The following BACE1 variants were observed in gnomAD, a reference collection of about 807,000 sequenced individuals.
BACE1 encodes APP beta-secretase.
BACE1 carries 21 observed loss-of-function variants against 54.0 expected under a neutral mutation model. The ratio of observed to expected loss-of-function variants is 0.39; its 90% CI spans 0.28 to 0.56. The LOEUF (loss-of-function observed/expected upper bound fraction) is 0.56. BACE1 is among the 20% of genes least tolerant of loss of function. The pLI is 0.63. For missense variants in BACE1, 511 were observed against 661.2 expected (o/e 0.77, Z 2.49); for synonymous variants, 232 against 260.9 (o/e 0.89, Z 1.07).
At chr11:117,295,440 C>T in intron 2 of BACE1, 93 bp from the exon 3 acceptor site, 1 of 1,547,102 alleles carries the variant, frequency 6.5e-7, no homozygotes, top group Non-Finnish European at 8.7e-7. Context: ...CTTATCTCAT[C>T]TCAGGGGAAT....
intron 1 of BACE1, among the ~76,000 whole-genome samples, chr11:117,300,238 C>T (rs2034693491): frequency 6.6e-6 from 1 of 152,182 alleles, no homozygotes; most frequent in Non-Finnish European, 1.5e-5. Flanking sequence ...ATTTCAGGTC[C>T]CCACTGCTCT....
intron 2 of BACE1, 56 bp downstream of exon 2, chr11:117,296,814 CCTT>C: frequency 3.7e-6 from 5 of 1,337,212 alleles, no homozygotes; most frequent in Non-Finnish European, 5.3e-6. Flanking sequence ...CTCCCCTGAC[CCTT>C]CTTAGCCCTG....
intron 8 of BACE1, 113 bp downstream of exon 8, chr11:117,290,375 G>T: frequency 7.5e-7 from 1 of 1,339,444 alleles, no homozygotes; most frequent in Non-Finnish European, 1.0e-6. Flanking sequence ...TTGGGTTTGA[G>T]GCAACTGTTA....
rs1019137248 is a variant in BACE1 at position 117,289,582 on chromosome 11, A to G, written c.1490T>C (p.Ile497Thr). ...RQQHDDFADD[I>T]SLLK ...TGGGCCTCCTCACTTCAGCAGGGAG[A>G]TGTCATCAGCAAAGTCATCATGCTG... Residue 497 changes from isoleucine (I) to threonine (T), a missense_variant, in exon 9 of 9, where the codon ATC becomes ACC. Around this residue, in one of 2 missense-constraint regions of BACE1, gnomAD observed 407 missense variants for 565.7 expected, o/e 0.72. Transcript: ENST00000313005. The G allele has an allele frequency of 1.9e-6, 3 of 1,614,124 alleles. No homozygotes were observed. Among genetic ancestry groups the G allele is most frequent in the Non-Finnish European group, 2.5e-6 (3 of 1,180,030 alleles).
chr11:117,289,647 G>C lies in BACE1; in HGVS notation c.1425C>G (p.Leu475=). The C allele has an allele frequency of 6.2e-7, 1 of 1,614,234 alleles. No individual in the cohort carries two copies. Among genetic ancestry groups the C allele is most frequent in the African/African-American group, 1.3e-5 (1 of 75,058 alleles). ...ICALFMLPLC[L]MVCQWRCLRC... is the part of the protein sequence containing the mutation. Reference sequence around the variant, plus strand: ...GGAGGCAGCGCCACTGACACACCATGAGGCAGAGTGGCAGCATGAAGAGGG... The same window carrying C: ...GGAGGCAGCGCCACTGACACACCATCAGGCAGAGTGGCAGCATGAAGAGGG... The change falls in exon 9 of 9, where the codon CTC becomes CTG. Residue 475 remains leucine, a synonymous_variant. Transcript: ENST00000313005.
intron 1 of BACE1, among the ~76,000 whole-genome samples, chr11:117,312,575 A>G (rs1591871950): frequency 6.6e-6 from 1 of 150,982 alleles, no homozygotes; most frequent in Middle Eastern, 3.4e-3. Flanking sequence ...CAATTCTCCT[A>G]CCTCAGCCTC....
In BACE1 at chr11:117,315,387, C is replaced by T; in HGVS notation, c.261+148G>A. 2 of 1,141,350 alleles carry T rather than the reference C, an allele frequency of 1.8e-6. No individual in the cohort carries two copies. Among genetic ancestry groups the T allele is most frequent in the African/African-American group, 1.6e-5 (1 of 61,106 alleles). The allele number at this position is 1,141,350 out of a possible 1,614,324, so 70.7% of individuals were successfully genotyped here. A position where few individuals can be genotyped will look rare whatever the true frequency, so the allele number is the denominator to read the frequency against. On this transcript the variant is annotated intron_variant, in intron 1 of 8. Coordinates refer to ENST00000313005, the MANE Select transcript of BACE1 (RefSeq NM_012104.6). The surrounding 1 kb of genome is among the most constrained non-coding windows in gnomAD (Gnocchi z 5.5). ...AGCTTGGGAACACTTCTGCCAACAA[C>T]CACGTGACCCCCGGGGAATGGCTGG... is the stretch of plus-strand genomic sequence containing the variant.
At chr11:117,299,405 T>G (rs964499826) in intron 1 of BACE1, among the ~76,000 whole-genome samples, 5 of 151,978 alleles carry the variant, frequency 3.3e-5, no homozygotes, top group Admixed American at 6.6e-5. Context: ...TCACTGTGCT[T>G]CTCTGGACTT....
rs75659000 is a variant in BACE1 at position 117,314,362 on chromosome 11, C to T, written c.261+1173G>A. ...AGCTGAGAGGTAGGGCTGGGGAGCACGCACCTAGGAAGGCTGGCTTCTGTA... is the reference window on the plus strand; with the variant it reads ...AGCTGAGAGGTAGGGCTGGGGAGCATGCACCTAGGAAGGCTGGCTTCTGTA... On this transcript the variant is annotated intron_variant, in intron 1 of 8. Transcript: ENST00000313005. 8.0e-3 allele frequency among the ~76,000 whole-genome samples: 1,212 copies of T among 152,152 alleles called. 10 individuals carry two copies. Among genetic ancestry groups the T allele is most frequent in the African/African-American group, 0.01 (419 of 41,508 alleles).
At chr11:117,309,781 G>A (rs2034906267) in intron 1 of BACE1, among the ~76,000 whole-genome samples, 1 of 152,184 alleles carries the variant, frequency 6.6e-6, no homozygotes, top group South Asian at 2.1e-4. Context: ...CACACAGTAG[G>A]CAAGTACTCA....
At chr11:117,309,912 T>C (rs1348132074) in intron 1 of BACE1, among the ~76,000 whole-genome samples, 1 of 152,198 alleles carries the variant, frequency 6.6e-6, no homozygotes, top group Non-Finnish European at 1.5e-5. Flanking sequence ...CTTTTATTTA[T>C]TTATTATTTA....
chr11:117,290,343 T>C (rs1174757434), intron 8 of BACE1, 145 bp downstream of exon 8: 1 of 1,021,184 alleles, frequency 9.8e-7, no homozygotes, highest in Non-Finnish European at 1.4e-6. Flanking sequence ...GCATTGACAC[T>C]AGCTTTTGCA....
chr11:117,303,050 A>G (rs1380961272), intron 1 of BACE1, among the ~76,000 whole-genome samples: 1 of 152,238 alleles, frequency 6.6e-6, no homozygotes, highest in Non-Finnish European at 1.5e-5. Context: ...GTTGAAGGAA[A>G]GAAAAGGTGA....
In BACE1 at chr11:117,313,919, T is replaced by C. The variant is rs939934103; in HGVS notation, c.261+1616A>G. On this transcript the variant is annotated intron_variant, in intron 1 of 8. Coordinates refer to ENST00000313005, the MANE Select transcript of BACE1 (RefSeq NM_012104.6). ...AACCCTCACAACTTAATCCTCACAA[T>C]TACCTTGCAAAGGAGGTCTCATTTC... 3.4e-4 allele frequency among the ~76,000 whole-genome samples: 51 copies of C among 152,212 alleles called. 1 individual carries two copies. The highest frequency in any genetic ancestry group is 1.2e-3 in the African/African-American group (51 of 41,450).
intron 1 of BACE1, among the ~76,000 whole-genome samples, chr11:117,306,715 G>A (rs1415462143): frequency 1.3e-5 from 2 of 152,094 alleles, no homozygotes; most frequent in East Asian, 1.9e-4. Context: ...GCAGGCCGAC[G>A]CTGGAGAATT....
chr11:117,305,071 C>T (rs1191624387), intron 1 of BACE1, among the ~76,000 whole-genome samples: 1 of 150,798 alleles, frequency 6.6e-6, no homozygotes, highest in Non-Finnish European at 1.5e-5. Flanking sequence ...GGATTACAGG[C>T]ACCCGCCACT....
chr11:117,290,774 G>C, intron 7 of BACE1, 115 bp from the exon 8 acceptor site: 11 of 1,550,510 alleles, frequency 7.1e-6, no homozygotes, highest in Non-Finnish European at 9.6e-6. Flanking sequence ...CGGGTTTTCT[G>C]AGACCCCTTT....
At chr11:117,307,543 C>T (rs753114215) in intron 1 of BACE1, among the ~76,000 whole-genome samples, 7 of 152,168 alleles carry the variant, frequency 4.6e-5, no homozygotes, top group Non-Finnish European at 8.8e-5. Context: ...AACTCCTGAC[C>T]TCAGGTGATC....
intron 1 of BACE1, among the ~76,000 whole-genome samples, chr11:117,298,884 C>G (rs1235942046): frequency 6.6e-6 from 1 of 152,180 alleles, no homozygotes; most frequent in Admixed American, 6.5e-5. Flanking sequence ...CGGCTCACTG[C>G]CATCTCCGCC....
Sources: allele counts gnomAD v4.1 joint callset (sites outside exome capture counted in the v4.1 genomes callset), GRCh38; gene constraint gnomAD v4.1.1; regional missense constraint gnomAD v4.1.1; non-coding constraint Gnocchi (gnomAD v3.1); transcripts MANE v1.5; gene names NCBI Gene and HGNC (gene_info 2026-07-23, HGNC 2026-07-21).